Variants in RFPL4A observed in about 807,000 individuals in gnomAD.
RFPL4A encodes ret finger protein-like 4A.
A neutral mutation model predicts 8.3 loss-of-function variants in RFPL4A; 4 were observed. The ratio of observed to expected loss-of-function variants is 0.48; its 90% CI spans 0.24 to 1.10. The LOEUF is 1.10. RFPL4A is among the 50% of genes least tolerant of loss of function. The probability of loss-of-function intolerance (pLI) is 0.18; values close to 1 mark genes in which losing one functional copy is unlikely to be tolerated. For missense variants in RFPL4A, 111 were observed against 358.7 expected, an observed-to-expected ratio of 0.31 and a Z score of 5.58; for synonymous variants, 43 against 136.6, an observed-to-expected ratio of 0.31 and a Z score of 4.78.
At position 55,761,709 on chromosome 19, in the gene RFPL4A, T is replaced by C. The variant is rs940819190; in HGVS notation, c.-9-83T>C. 13 of 1,463,424 alleles carry C rather than the reference T, an allele frequency of 8.9e-6. No homozygotes were observed. In the South Asian group the frequency reaches 1.2e-4, roughly 13 times the overall value. The allele number at this position is 1,463,424 out of a possible 1,614,324, so 90.7% of individuals were successfully genotyped here. ...TGTCGTGCTATGATAGCTCCATGCA[T>C]GTAAAGATAAAAGCCCCAAACACTA... On this transcript the variant is annotated intron_variant, in intron 1 of 2. Transcript: ENST00000434937.
upstream of RFPL4A, among the ~76,000 whole-genome samples, chr19:55,757,880 C>T (rs529172222): frequency 3.6e-3 from 548 of 151,722 alleles, no homozygotes; most frequent in African/African-American, 0.013. Flanking sequence ...ACAGAAATTT[C>T]GTTCAAGCTT....
chr19:55,760,563 T>C (rs867436314), intron 1 of RFPL4A, among the ~76,000 whole-genome samples: 1 of 151,650 alleles, frequency 6.6e-6, no homozygotes, highest in African/African-American at 2.4e-5. Flanking sequence ...TTAGAATTGG[T>C]GAGGTACCCA....
upstream of RFPL4A, among the ~76,000 whole-genome samples, chr19:55,757,893 C>T (rs12463342): frequency 0.019 from 2,848 of 151,106 alleles, 14 homozygotes; most frequent in East Asian, 0.16. Flanking sequence ...TCAAGCTTTA[C>T]GGGAAGCAGA....
chr19:55,760,317 C>A (rs574344679), intron 1 of RFPL4A, among the ~76,000 whole-genome samples: 2 of 151,672 alleles, frequency 1.3e-5, no homozygotes, highest in South Asian at 4.2e-4. Flanking sequence ...ACCCCAGTCC[C>A]AGCCAGTTTC....
intron 1 of RFPL4A, among the ~76,000 whole-genome samples, 197 bp from the exon 2 acceptor site, chr19:55,761,595 A>C (rs190136050): frequency 3.6e-4 from 54 of 148,088 alleles, no homozygotes; most frequent in Non-Finnish European, 6.7e-4. Flanking sequence ...TATTCCAATG[A>C]GTATTACAGA....
chr19:55,757,986 A>T (rs1385437075), upstream of RFPL4A, among the ~76,000 whole-genome samples: 2 of 152,226 alleles, frequency 1.3e-5, no homozygotes, highest in African/African-American at 4.8e-5. Flanking sequence ...TGCTCCCAGA[A>T]ATGTGAGTAT....
intron 2 of RFPL4A, among the ~76,000 whole-genome samples, chr19:55,762,310 T>C (rs1300262239): frequency 3.4e-4 from 52 of 150,748 alleles, no homozygotes; most frequent in African/African-American, 1.2e-3. Flanking sequence ...TCTTGTATCA[T>C]ATGTGCTAAA....
At position 55,763,105 on chromosome 19, in the gene RFPL4A, G is replaced by C; in HGVS notation, c.794G>C (p.Ser265Thr). ...AHKRGSQDDQ[S>T]ILSICSVINP... ...AAACGTGGAAGTCAAGATGATCAGA[G>C]CATCCTGAGTATCTGTTCTGTGATC... is the stretch of plus-strand genomic sequence containing the variant. Residue 265 changes from serine (S) to threonine (T), a missense_variant, in exon 3 of 3, where the codon AGC becomes ACC. By Grantham distance (58) the Ser-to-Thr change is moderately conservative. Transcript: ENST00000434937. 6.5e-7 allele frequency: 1 copy of C among 1,548,416 alleles called. No individual in the cohort carries two copies. Among genetic ancestry groups the C allele is most frequent in the Non-Finnish European group, 8.7e-7 (1 of 1,146,496 alleles).
upstream of RFPL4A, among the ~76,000 whole-genome samples, chr19:55,758,087 C>A (rs897390157): frequency 6.6e-6 from 1 of 151,632 alleles, no homozygotes; most frequent in African/African-American, 2.4e-5. Flanking sequence ...TGTGTAGATA[C>A]GGTATGTGTG....
upstream of RFPL4A, among the ~76,000 whole-genome samples, chr19:55,757,509 G>A (rs1600154745): frequency 6.6e-6 from 1 of 152,106 alleles, no homozygotes; most frequent in South Asian, 2.1e-4. Flanking sequence ...CTCGCTGACT[G>A]GGATGTTGAA....
At chr19:55,757,601 C>T (rs573957175), upstream of RFPL4A, among the ~76,000 whole-genome samples, 2 of 152,062 alleles carry the variant, frequency 1.3e-5, 1 homozygote, top group African/African-American at 4.8e-5. Context: ...TTACCACTGT[C>T]TGAATAGAAG....
intron 1 of RFPL4A, 140 bp from the exon 2 acceptor site, chr19:55,761,652 G>C: frequency 7.8e-7 from 1 of 1,286,586 alleles, no homozygotes; most frequent in South Asian, 1.5e-5. Flanking sequence ...TATTCATGTT[G>C]TGTCTTCGTC....
In RFPL4A at chr19:55,761,907, A is replaced by G. The variant is rs956676544; in HGVS notation, c.107A>G (p.Asn36Ser). ...TATGCCTGCTGCCTCCAGTGCCTCA[A>G]TTCACTCCAGAAGGAGCCCGATGGG... Reference protein sequence around the residue: ...CGYACCLQCLNSLQKEPDGEG... With the variant: ...CGYACCLQCLSSLQKEPDGEG... Residue 36 changes from asparagine to serine, a missense_variant, in exon 2 of 3, where the codon AAT (asparagine) becomes AGT (serine). Coordinates refer to ENST00000434937, the MANE Select transcript of RFPL4A (RefSeq NM_001145014.2). The G allele has an allele frequency of 4.5e-5, 68 of 1,509,376 alleles. 3 individuals carry two copies. The highest frequency in any genetic ancestry group is 5.5e-5 in the Non-Finnish European group (61 of 1,114,446). 93.5% of individuals were successfully genotyped at this position (1,509,376 alleles called of 1,614,324 possible).
Sources: allele counts gnomAD v4.1 joint callset (sites outside exome capture counted in the v4.1 genomes callset), GRCh38; gene constraint gnomAD v4.1.1; transcripts MANE v1.5; gene names NCBI Gene and HGNC (gene_info 2026-07-23, HGNC 2026-07-21).